PRKN: variants seen among roughly 807,000 people sequenced by gnomAD.
PRKN encodes E3 ubiquitin-protein ligase parkin.
Under a neutral mutation model 59.5 loss-of-function variants are expected in PRKN, and 56 were observed. That is an observed-to-expected ratio of 0.94 (90% CI 0.76 to 1.18). The LOEUF (loss-of-function observed/expected upper bound fraction) is 1.18, where lower values mean the gene tolerates loss of function less well. Among genes scored for constraint, PRKN ranks in the 50% most tolerant of loss-of-function variants. The pLI is 0.00. For missense variants in PRKN, 657 were observed against 596.4 expected (o/e 1.10, Z -1.06); for synonymous variants, 250 against 222.1 (o/e 1.13, Z -1.12).
chr6:162,464,751 C>A (rs1791340276), intron 1 of PRKN, among the ~76,000 whole-genome samples: 1 of 151,348 alleles, frequency 6.6e-6, no homozygotes, highest in Non-Finnish European at 1.5e-5. Flanking sequence ...ATGGCGTGAA[C>A]CCAGAAGGCG....
rs141589437 is a variant in PRKN at position 161,418,490 on chromosome 6, A to G, written c.1084-31613T>C. ...GTTGGTTCTTTGCTCTTTGAAATCA[A>G]AACATTCTGTATTATTTCTGGGATT... On this transcript the variant is annotated intron_variant, in intron 9 of 11. Transcript: ENST00000366898. Among the ~76,000 whole-genome samples, 7 of 152,330 alleles carry G rather than the reference A, an allele frequency of 4.6e-5. No homozygotes were observed. In the East Asian group the frequency reaches 1.4e-3, roughly 29 times the overall value.
At position 161,726,075 on chromosome 6, in the gene PRKN, G is replaced by A. The variant is rs538122882; in HGVS notation, c.871+59697C>T. Among the ~76,000 whole-genome samples the A allele has an allele frequency of 2.6e-5, 4 of 152,318 alleles. 1 individual carries two copies. In the South Asian group the frequency reaches 8.3e-4, roughly 32 times the overall value. On this transcript the variant is annotated intron_variant, in intron 7 of 11. Transcript: ENST00000366898. ...CACTTCACAAATCAAAAGGCATAAA[G>A]TTAGTCTGAGGCTCTCGTCAATGTG...
chr6:162,721,821 G>T (rs1778950933), intron 1 of PRKN, among the ~76,000 whole-genome samples: 1 of 152,176 alleles, frequency 6.6e-6, no homozygotes, highest in Non-Finnish European at 1.5e-5. Flanking sequence ...AGGGTAAGAG[G>T]TGACATGGAA....
At chr6:162,032,160 T>C (rs543697616) in intron 5 of PRKN, among the ~76,000 whole-genome samples, 1 of 152,276 alleles carries the variant, frequency 6.6e-6, no homozygotes, top group South Asian at 2.1e-4. Flanking sequence ...TTAATTTAAA[T>C]GTTTATATTT....
chr6:162,149,586 A>G (rs1294752780), intron 4 of PRKN, among the ~76,000 whole-genome samples: 3 of 152,188 alleles, frequency 2.0e-5, no homozygotes, highest in African/African-American at 7.2e-5. Flanking sequence ...CAAGATGGAA[A>G]CCAGGAAGGT....
At chr6:161,599,377 A>T (rs117051193) in intron 7 of PRKN, among the ~76,000 whole-genome samples, 17 of 152,364 alleles carry the variant, frequency 1.1e-4, no homozygotes, top group Non-Finnish European at 1.8e-4. Flanking sequence ...AGGAGATCAA[A>T]TCATAGAAAA....
At chr6:162,358,694 T>TC (rs1428406606) in intron 2 of PRKN, among the ~76,000 whole-genome samples, 2 of 152,102 alleles carry the variant, frequency 1.3e-5, no homozygotes, top group Non-Finnish European at 2.9e-5. Flanking sequence ...GTGCAGCATA[T>TC]CATAAAGTGT....
intron 4 of PRKN, among the ~76,000 whole-genome samples, chr6:162,102,950 G>A (rs1444570016): frequency 6.6e-6 from 1 of 151,590 alleles, no homozygotes; most frequent in Non-Finnish European, 1.5e-5. Flanking sequence ...GGCTGAGGCA[G>A]GAGAATGGCG....
intron 1 of PRKN, among the ~76,000 whole-genome samples, chr6:162,726,595 A>G (rs1392790207): frequency 1.3e-5 from 2 of 152,228 alleles, no homozygotes; most frequent in Non-Finnish European, 2.9e-5. Flanking sequence ...CATTTTAACA[A>G]TAACTTCACA....
chr6:161,845,172 C>T (rs545681686), intron 6 of PRKN, among the ~76,000 whole-genome samples: 1 of 152,320 alleles, frequency 6.6e-6, no homozygotes, highest in South Asian at 2.1e-4. Context: ...CTCAGCTGCT[C>T]AACCAGTGGA....
intron 4 of PRKN, among the ~76,000 whole-genome samples, chr6:162,193,731 C>CT (rs1355591911): frequency 1.3e-5 from 2 of 152,126 alleles, no homozygotes; most frequent in East Asian, 3.9e-4. Flanking sequence ...GCCAACTTAC[C>CT]TAATCGTTTA....
intron 4 of PRKN, among the ~76,000 whole-genome samples, chr6:162,072,527 C>A (rs925492458): frequency 6.6e-6 from 1 of 152,166 alleles, no homozygotes; most frequent in Non-Finnish European, 1.5e-5. Flanking sequence ...CAGATACTGA[C>A]AATTAATCCA....
At chr6:161,596,936 G>C (rs1301128532) in intron 7 of PRKN, among the ~76,000 whole-genome samples, 1 of 152,184 alleles carries the variant, frequency 6.6e-6, no homozygotes. Context: ...TTTGCCTCAA[G>C]AATCCTATTC....
chr6:161,731,509 T>C (rs1440665216), intron 7 of PRKN, among the ~76,000 whole-genome samples: 1 of 152,266 alleles, frequency 6.6e-6, no homozygotes, highest in Non-Finnish European at 1.5e-5. Context: ...GATTTAAAAG[T>C]AAAAGTATGT....
chr6:162,285,307 G>T (rs1342284873), intron 2 of PRKN, among the ~76,000 whole-genome samples: 1 of 136,854 alleles, frequency 7.3e-6, no homozygotes, highest in Non-Finnish European at 1.5e-5. Flanking sequence ...AGGGCCTCTG[G>T]CATATACTCT....
At chr6:161,680,291 T>C (rs1394868276) in intron 7 of PRKN, among the ~76,000 whole-genome samples, 1 of 152,140 alleles carries the variant, frequency 6.6e-6, no homozygotes, top group Non-Finnish European at 1.5e-5. Context: ...TGCAGAACAA[T>C]TCTATTTTCC....
intron 3 of PRKN, among the ~76,000 whole-genome samples, chr6:162,224,126 T>C (rs1173514206): frequency 1.3e-5 from 2 of 152,094 alleles, no homozygotes; most frequent in Non-Finnish European, 2.9e-5. Flanking sequence ...CGATATTTTA[T>C]TTGACTTAGT....
chr6:161,725,741 C>T (rs1787415336), intron 7 of PRKN, among the ~76,000 whole-genome samples: 2 of 152,288 alleles, frequency 1.3e-5, no homozygotes, highest in South Asian at 2.1e-4. Flanking sequence ...TCCTCATCCA[C>T]AAAATAAAGA....
chr6:161,665,143 A>G (rs1048803390), intron 7 of PRKN, among the ~76,000 whole-genome samples: 21 of 152,106 alleles, frequency 1.4e-4, no homozygotes, highest in Admixed American at 1.0e-3. Flanking sequence ...TAAAAAAACC[A>G]ATGAACATTC....
Sources: allele counts gnomAD v4.1 joint callset (sites outside exome capture counted in the v4.1 genomes callset), GRCh38; gene constraint gnomAD v4.1.1; transcripts MANE v1.5; gene names NCBI Gene and HGNC (gene_info 2026-07-23, HGNC 2026-07-21).